Variants in TBL1X observed in about 807,000 individuals in gnomAD.
TBL1X encodes the protein F-box-like/WD repeat-containing protein TBL1X.
In TBL1X, 10 loss-of-function variants were observed where a neutral mutation model predicts 50.7. That is an observed-to-expected ratio of 0.20 (90% CI 0.12 to 0.33). The LOEUF (loss-of-function observed/expected upper bound fraction) is 0.33. TBL1X is among the 10% of genes least tolerant of loss of function. TBL1X has a pLI of 1.00. For synonymous variants in TBL1X, 190 were observed against 214.7 expected, an observed-to-expected ratio of 0.88 and a Z score of 1.01; for missense variants, 340 against 504.4, an observed-to-expected ratio of 0.67 and a Z score of 3.12.
Position 9,636,067 on chromosome X carries a change from T to C in TBL1X, c.-130-4206T>C, listed in dbSNP as rs141320950. On this transcript the variant is annotated intron_variant, in intron 2 of 17. Transcript: ENST00000645353. ...GAAGCCAGATGCAAGAGGTCACATATTGTATGATCTCATTTAGTGCCCCAA... is the reference window on the plus strand; with the variant it reads ...GAAGCCAGATGCAAGAGGTCACATACTGTATGATCTCATTTAGTGCCCCAA... 4.3e-3 allele frequency among the ~76,000 whole-genome samples: 484 copies of C among 111,971 alleles called. 3 individuals are homozygous for C. The highest frequency in any genetic ancestry group is 0.015 in the African/African-American group (458 of 30,797).
chrX:9,576,504 T>G (rs1431248882), intron 2 of TBL1X, among the ~76,000 whole-genome samples: 2 of 111,674 alleles, frequency 1.8e-5, no homozygotes, highest in African/African-American at 6.5e-5. Flanking sequence ...TCCCATAATT[T>G]AAAGCCAACT....
chrX:9,477,472 C>G (rs2081855607), intron 1 of TBL1X, among the ~76,000 whole-genome samples: 3 of 112,153 alleles, frequency 2.7e-5, no homozygotes, highest in Non-Finnish European at 5.6e-5. Flanking sequence ...CTTTCTCTAT[C>G]TCTTGGAGTT....
chrX:9,692,521 C>A lies in TBL1X; in HGVS notation c.891+267C>A, dbSNP rs2083104778. Among the ~76,000 whole-genome samples, 3 of 112,497 alleles carry A rather than the reference C, an allele frequency of 2.7e-5. No homozygotes were observed. In the South Asian group the frequency reaches 1.1e-3, roughly 42 times the overall value. ...CTCCTGGGTTCAAGCGATTCTCTTT[C>A]CTCAGCTTCCCGAATAGCTGGGATT... On this transcript the variant is annotated intron_variant, in intron 9 of 17. Transcript: ENST00000645353.
intron 2 of TBL1X, among the ~76,000 whole-genome samples, chrX:9,543,855 T>C (rs2082227814): frequency 8.9e-6 from 1 of 111,788 alleles, no homozygotes; most frequent in Non-Finnish European, 1.9e-5. Flanking sequence ...AGGGCTACTC[T>C]CCACATATGG....
intron 2 of TBL1X, among the ~76,000 whole-genome samples, chrX:9,600,047 G>A (rs1351828805): frequency 9.0e-6 from 1 of 111,717 alleles, no homozygotes; most frequent in African/African-American, 3.3e-5. Context: ...TGACACAGCT[G>A]TATCTCTTTC....
chrX:9,552,981 A>G (rs555534269), intron 2 of TBL1X, among the ~76,000 whole-genome samples: 2 of 111,057 alleles, frequency 1.8e-5, no homozygotes, highest in South Asian at 7.7e-4. Flanking sequence ...TGTCTCTAGA[A>G]AAAAACTAAA....
At chrX:9,508,160 T>C (rs188724101) in intron 2 of TBL1X, among the ~76,000 whole-genome samples, 4 of 112,186 alleles carry the variant, frequency 3.6e-5, no homozygotes, top group African/African-American at 1.3e-4. Context: ...ACAGGCAACC[T>C]ACAGAGTGGG....
At chrX:9,520,302 C>G (rs1405699041) in intron 2 of TBL1X, among the ~76,000 whole-genome samples, 1 of 111,745 alleles carries the variant, frequency 8.9e-6, no homozygotes, top group Non-Finnish European at 1.9e-5. Context: ...TAGCACAGAT[C>G]TTTGACCGCC....
chrX:9,477,926 A>G (rs2081858251), intron 1 of TBL1X, among the ~76,000 whole-genome samples: 1 of 111,698 alleles, frequency 9.0e-6, no homozygotes, highest in Non-Finnish European at 1.9e-5. Flanking sequence ...TCCAAGAATG[A>G]GTATCTCTGT....
At chrX:9,487,929 C>G (rs2081922065) in intron 1 of TBL1X, among the ~76,000 whole-genome samples, 1 of 111,501 alleles carries the variant, frequency 9.0e-6, no homozygotes, top group Admixed American at 9.6e-5. Context: ...TACGGCGTCC[C>G]CAAAGTCACA....
intron 1 of TBL1X, among the ~76,000 whole-genome samples, chrX:9,470,783 C>T (rs1165632881): frequency 9.0e-6 from 1 of 111,227 alleles, no homozygotes; most frequent in Non-Finnish European, 1.9e-5. Flanking sequence ...TACAGGCATG[C>T]ACCACCATGC....
At chrX:9,580,176 A>C (rs887544866) in intron 2 of TBL1X, among the ~76,000 whole-genome samples, 2 of 111,809 alleles carry the variant, frequency 1.8e-5, no homozygotes, top group Admixed American at 9.4e-5. Context: ...GTGAACCCCC[A>C]AAATCTGAGA....
chrX:9,703,925 G>A (rs1392084544), intron 12 of TBL1X, among the ~76,000 whole-genome samples: 1 of 112,670 alleles, frequency 8.9e-6, no homozygotes, highest in Non-Finnish European at 1.9e-5. Flanking sequence ...CCCTGTGGAG[G>A]CAGACGCTCT....
intron 2 of TBL1X, among the ~76,000 whole-genome samples, chrX:9,532,963 C>G (rs1310941084): frequency 1.8e-5 from 2 of 111,233 alleles, no homozygotes; most frequent in African/African-American, 6.6e-5. Flanking sequence ...AAAGTGGGTT[C>G]CTGCTTGCCA....
At chrX:9,663,441 C>G (rs2082909933) in intron 5 of TBL1X, among the ~76,000 whole-genome samples, 1 of 111,500 alleles carries the variant, frequency 9.0e-6, no homozygotes, top group Non-Finnish European at 1.9e-5. Flanking sequence ...AGAAATGTGC[C>G]GAGTAGAACA....
chrX:9,638,195 C>G (rs2082757939), intron 2 of TBL1X, among the ~76,000 whole-genome samples: 3 of 111,529 alleles, frequency 2.7e-5, no homozygotes, highest in Admixed American at 9.5e-5. Flanking sequence ...ACACCAAGAA[C>G]AGAGGGCTAC....
At chrX:9,673,758 A>G (rs374789591) in intron 5 of TBL1X, among the ~76,000 whole-genome samples, 3 of 112,376 alleles carry the variant, frequency 2.7e-5, no homozygotes, top group Non-Finnish European at 5.6e-5. Context: ...AATTCAACCA[A>G]CTGTGACTCA....
chrX:9,706,386 A>G (rs1346875766), intron 13 of TBL1X, among the ~76,000 whole-genome samples: 1 of 111,583 alleles, frequency 9.0e-6, no homozygotes, highest in Non-Finnish European at 1.9e-5. Flanking sequence ...TGAGGCAGTA[A>G]CAGCCAAGTT....
In TBL1X at chrX:9,673,885, A is replaced by G. The variant is rs778644751; in HGVS notation, c.212-10158A>G. Among the ~76,000 whole-genome samples the G allele has an allele frequency of 2.7e-5, 3 of 111,441 alleles. No individual in the cohort carries two copies. In the East Asian group the frequency reaches 8.6e-4, roughly 32 times the overall value. On this transcript the variant is annotated intron_variant, in intron 5 of 17. Coordinates refer to ENST00000645353, the MANE Select transcript of TBL1X (RefSeq NM_005647.4). ...AGTTTGAGACCAGCCTGTCCAACAT[A>G]GTGAAACCCCATCTCTACTAAAACT...
Sources: allele counts gnomAD v4.1 joint callset (sites outside exome capture counted in the v4.1 genomes callset), GRCh38; gene constraint gnomAD v4.1.1; transcripts MANE v1.5; gene names NCBI Gene and HGNC (gene_info 2026-07-23, HGNC 2026-07-21).